Variants in FNTB observed in about 807,000 individuals in gnomAD.
FNTB encodes protein farnesyltransferase subunit beta.
In FNTB, 27 loss-of-function variants were observed where a neutral mutation model predicts 59.4. The observed-to-expected ratio is 0.45, with a 90% CI of 0.34 to 0.63. The LOEUF is 0.63. FNTB is among the 20% of genes least tolerant of loss of function. FNTB has a pLI of 0.02. For missense variants in FNTB, 449 were observed against 559.6 expected (o/e 0.80, Z 1.99); for synonymous variants, 230 against 220.7 (o/e 1.04, Z -0.37).
At chr14:65,035,979 G>A (rs985226485) in intron 7 of FNTB, among the ~76,000 whole-genome samples, 3 of 151,656 alleles carry the variant, frequency 2.0e-5, no homozygotes, top group African/African-American at 7.3e-5. Flanking sequence ...CCACAGGTGT[G>A]CACCACAACA....
rs545892260 is a variant in FNTB, at chr14:64,993,972, C to G, written c.144+6875C>G. 8.5e-5 allele frequency among the ~76,000 whole-genome samples: 13 copies of G among 152,206 alleles called. No individual in the cohort carries two copies. The South Asian group carries it at 1.5e-3, about 17-fold the overall frequency. On this transcript the variant is annotated intron_variant, in intron 1 of 11. Transcript: ENST00000246166. ...CTGGGTTCAAGCGATTCTCCTGCCT[C>G]AGGCTCCCAAGTACCTGGGATTACA...
At chr14:65,021,748 C>T (rs1229607560) in intron 4 of FNTB, among the ~76,000 whole-genome samples, 1 of 152,154 alleles carries the variant, frequency 6.6e-6, no homozygotes, top group African/African-American at 2.4e-5. Context: ...CGGGTTCAAG[C>T]GATTCTCGTG....
chr14:65,055,523 A>G (rs2062714872), intron 11 of FNTB, among the ~76,000 whole-genome samples: 1 of 150,646 alleles, frequency 6.6e-6, no homozygotes, highest in Admixed American at 6.6e-5. Context: ...TTAATTTTTA[A>G]TTTTTTTTTG....
chr14:65,037,402 CCTTTTTTTTTTTTTTTTTTTT>C (rs1295909716), intron 7 of FNTB, among the ~76,000 whole-genome samples: 977 of 14,482 alleles, frequency 0.067, 116 homozygotes, highest in African/African-American at 0.18. Flanking sequence ...CACGCCGGGC[CCTTTTTTTTTTTTTTTTTTTT>C]TTTTTTTTTT....
At chr14:65,003,460 G>A (rs1284335815) in intron 1 of FNTB, 2 of 152,064 alleles carry the variant, frequency 1.3e-5, no homozygotes, top group Non-Finnish European at 2.9e-5. Context: ...TAATTTCTGG[G>A]TTGGAACCAC....
rs752927586 is a variant in FNTB, at chr14:64,987,005, G to A, written c.52G>A (p.Val18Ile). Residue 18 changes from valine (V) to isoleucine (I), a missense_variant, in exon 1 of 12, where the codon GTC becomes ATC. Physicochemically the swap from Val to Ile is conservative, Grantham distance 29 (BLOSUM62 3). Transcript: ENST00000246166. ...CTATTGCCCTCCATCTTCCTCCCCCGTCTGGTCAGAGCCGCTGTACAGTCT... is the reference window on the plus strand; with the variant it reads ...CTATTGCCCTCCATCTTCCTCCCCCATCTGGTCAGAGCCGCTGTACAGTCT... The part of the protein sequence containing the change: ...TYYCPPSSSP[V>I]WSEPLYSLRP... 1.9e-6 allele frequency: 3 copies of A among 1,614,122 alleles called. No homozygotes were observed. The highest frequency in any genetic ancestry group is 4.5e-5 in the East Asian group (2 of 44,886).
chr14:64,996,835 A>AGCCTCC (rs1196688193), intron 1 of FNTB, among the ~76,000 whole-genome samples: 2 of 150,308 alleles, frequency 1.3e-5, no homozygotes, highest in African/African-American at 2.5e-5. Context: ...ATATAGCCAA[A>AGCCTCC]GCCTCCTTTA....
At position 65,007,548 on chromosome 14, in the gene FNTB, A is replaced by C. The variant is rs72728240; in HGVS notation, c.209+3235A>C. ...AAAGTCAAGCCTGGAGCTGAATGTC[A>C]GTACATTCTATACTTAATCCCCTTC... On this transcript the variant is annotated intron_variant, in intron 2 of 11. Coordinates refer to ENST00000246166, the MANE Select transcript of FNTB (RefSeq NM_002028.4). The surrounding 1 kb of genome is among the most constrained non-coding windows in gnomAD (Gnocchi z 4.9). 6.6e-6 allele frequency among the ~76,000 whole-genome samples: 1 copy of C among 152,346 alleles called. No individual in the cohort carries two copies. The highest frequency in any genetic ancestry group is 1.5e-5 in the Non-Finnish European group (1 of 68,032).
intron 1 of FNTB, among the ~76,000 whole-genome samples, chr14:64,988,828 C>G (rs1222809264): frequency 6.6e-6 from 1 of 152,078 alleles, no homozygotes; most frequent in African/African-American, 2.4e-5. Flanking sequence ...TTATTAGAGT[C>G]TAGGATGAAC....
At chr14:65,015,788 C>T (rs974923360) in intron 4 of FNTB, 72 bp downstream of exon 4, 31 of 1,555,906 alleles carry the variant, frequency 2.0e-5, no homozygotes, top group Non-Finnish European at 2.6e-5. Flanking sequence ...TGTTTTGTTT[C>T]TGTTTTGTTT....
chr14:65,005,133 G>T (rs945710308), intron 2 of FNTB, among the ~76,000 whole-genome samples: 10 of 152,188 alleles, frequency 6.6e-5, no homozygotes, highest in Non-Finnish European at 1.2e-4. Context: ...ACAAGAAATA[G>T]AATGCCTTTT....
At chr14:65,041,598 C>G (rs2062355260) in intron 8 of FNTB, among the ~76,000 whole-genome samples, 1 of 152,222 alleles carries the variant, frequency 6.6e-6, no homozygotes, top group African/African-American at 2.4e-5. Context: ...AACTGACATG[C>G]ACCTCCTCTC....
rs1052497739 is a variant in FNTB, at chr14:65,007,817, G to A, written c.209+3504G>A. Among the ~76,000 whole-genome samples the A allele has an allele frequency of 6.6e-6, 1 of 152,076 alleles. No individual in the cohort carries two copies. Among genetic ancestry groups the A allele is most frequent in the Non-Finnish European group, 1.5e-5 (1 of 68,022 alleles). On this transcript the variant is annotated intron_variant, in intron 2 of 11. Coordinates refer to ENST00000246166, the MANE Select transcript of FNTB (RefSeq NM_002028.4). The surrounding 1 kb of genome is among the most constrained non-coding windows in gnomAD (Gnocchi z 4.9). Reference sequence around the variant, plus strand: ...AATGCATAAACTACACAGATACCTCGCTCACATGTAGTTTTTAAATTTGTT... The same window carrying A: ...AATGCATAAACTACACAGATACCTCACTCACATGTAGTTTTTAAATTTGTT...
In FNTB at chr14:64,990,414, G is replaced by A. The variant is rs566874110; in HGVS notation, c.144+3317G>A. ...TGTATTTCTTCCCTCCTGCAGGCTT[G>A]TGTGGGGTGGGGTTTCCTTAGACTT... On this transcript the variant is annotated intron_variant, in intron 1 of 11. Coordinates refer to ENST00000246166, the MANE Select transcript of FNTB (RefSeq NM_002028.4). The surrounding 1 kb of genome is among the most constrained non-coding windows in gnomAD (Gnocchi z 5.2). Among the ~76,000 whole-genome samples the A allele has an allele frequency of 9.9e-4, 151 of 152,286 alleles. No homozygotes were observed. The highest frequency in any genetic ancestry group is 1.8e-3 in the Non-Finnish European group (123 of 68,026).
At chr14:65,038,647 GGCGGAGGT>G (rs1230240673) in intron 7 of FNTB, among the ~76,000 whole-genome samples, 2 of 152,176 alleles carry the variant, frequency 1.3e-5, no homozygotes, top group African/African-American at 4.8e-5. Context: ...GAACCCAGGA[GGCGGAGGT>G]TGCAGTGAGC....
intron 11 of FNTB, among the ~76,000 whole-genome samples, chr14:65,059,329 GC>G (rs200028962): frequency 1.3e-5 from 2 of 150,624 alleles, no homozygotes; most frequent in Admixed American, 1.3e-4. Context: ...CCCCGCACTA[GC>G]CCCTTTTTTT....
Position 65,044,646 on chromosome 14 carries a change from C to A in FNTB, c.955+203C>A. Reference sequence around the variant, plus strand: ...TTCATTGGTTTAGTGTCATTCTTTGCTTCTTCAAATTGGCTGCGACAGAAT... The same window carrying A: ...TTCATTGGTTTAGTGTCATTCTTTGATTCTTCAAATTGGCTGCGACAGAAT... On this transcript the variant is annotated intron_variant, in intron 9 of 11. Transcript: ENST00000246166. The surrounding 1 kb of genome is among the most constrained non-coding windows in gnomAD (Gnocchi z 5.5). 1.3e-6 allele frequency: 1 copy of A among 793,886 alleles called. No homozygotes were observed. The highest frequency in any genetic ancestry group is 1.8e-6 in the Non-Finnish European group (1 of 548,636). 49.2% of individuals were successfully genotyped at this position (793,886 alleles called of 1,614,324 possible). A position where few individuals can be genotyped will look rare whatever the true frequency, so the allele number is the denominator to read the frequency against.
At chr14:65,005,185 G>T (rs1428041484) in intron 2 of FNTB, among the ~76,000 whole-genome samples, 2 of 152,194 alleles carry the variant, frequency 1.3e-5, no homozygotes, top group African/African-American at 4.8e-5. Context: ...TCTAAGTCCT[G>T]TGAGGTCAGG....
rs953015320 is a variant in FNTB, at chr14:65,014,161, A to G, written c.283-1464A>G. Among the ~76,000 whole-genome samples, 1 of 152,188 alleles carries G rather than the reference A, an allele frequency of 6.6e-6. No homozygotes were observed. The highest frequency in any genetic ancestry group is 2.4e-5 in the African/African-American group (1 of 41,430). ...TCTTGTCTCACCTCTGACATTTGCT[A>G]TTTTTATAATCTGAAAAAGGTTAAT... On this transcript the variant is annotated intron_variant, in intron 3 of 11. Coordinates refer to ENST00000246166, the MANE Select transcript of FNTB (RefSeq NM_002028.4). The surrounding 1 kb of genome is among the most constrained non-coding windows in gnomAD (Gnocchi z 5.1).
Sources: allele counts gnomAD v4.1 joint callset (sites outside exome capture counted in the v4.1 genomes callset), GRCh38; gene constraint gnomAD v4.1.1; non-coding constraint Gnocchi (gnomAD v3.1); transcripts MANE v1.5; gene names NCBI Gene and HGNC (gene_info 2026-07-23, HGNC 2026-07-21).